ZNF346: variants seen among roughly 807,000 people sequenced by gnomAD.
ZNF346 encodes the protein zinc finger protein 346.
ZNF346 carries 23 observed loss-of-function variants against 33.7 expected under a neutral mutation model. The observed-to-expected ratio is 0.68, with a 90% CI of 0.49 to 0.97. The LOEUF is 0.97. Among genes scored for constraint, ZNF346 ranks in the 50% least tolerant of loss-of-function variants. ZNF346 has a pLI of 0.00. For synonymous variants in ZNF346, 134 were observed against 142.4 expected (o/e 0.94, Z 0.42); for missense variants, 340 against 371.1 (o/e 0.92, Z 0.69).
In ZNF346 at chr5:177,065,597, G is replaced by A. The variant is rs1783084886; in HGVS notation, c.*998G>A. ...CCAGGGAAAGAAAGAGAGAGCTGATGCAGGTTTCTACAGTGAGGAACAGGC... is the reference window on the plus strand; with the variant it reads ...CCAGGGAAAGAAAGAGAGAGCTGATACAGGTTTCTACAGTGAGGAACAGGC... On this transcript the variant is annotated 3_prime_UTR_variant, in exon 7 of 7. Coordinates refer to ENST00000358149, the MANE Select transcript of ZNF346 (RefSeq NM_012279.4). The A allele has an allele frequency of 6.5e-6, 1 of 152,672 alleles. No homozygotes were observed. 9.5% of individuals were successfully genotyped at this position (152,672 alleles called of 1,614,324 possible).
At chr5:177,071,354 A>G (rs536885946), downstream of ZNF346, among the ~76,000 whole-genome samples, 1 of 150,314 alleles carries the variant, frequency 6.7e-6, no homozygotes, top group African/African-American at 2.4e-5. Flanking sequence ...GGGCAACATA[A>G]TGGGAGCCTC....
In ZNF346 at chr5:177,064,786, G is replaced by T; in HGVS notation, c.*187G>T. On this transcript the variant is annotated 3_prime_UTR_variant, in exon 7 of 7. Coordinates refer to ENST00000358149, the MANE Select transcript of ZNF346 (RefSeq NM_012279.4). ...ACTCCTGCTGCTCCCCTTTGGCAGG[G>T]GTCCTGTAGGTCATGACAGGGGAGG... 1 of 594,974 alleles carries T rather than the reference G, an allele frequency of 1.7e-6. No individual in the cohort carries two copies. Among genetic ancestry groups the T allele is most frequent in the Non-Finnish European group, 3.0e-6 (1 of 332,590 alleles). The allele number at this position is 594,974 out of a possible 1,614,324, so 36.9% of individuals were successfully genotyped here. A position where few individuals can be genotyped will look rare whatever the true frequency, so the allele number is the denominator to read the frequency against.
chr5:177,036,344 T>A (rs1778508713), intron 1 of ZNF346, among the ~76,000 whole-genome samples: 1 of 152,242 alleles, frequency 6.6e-6, no homozygotes, highest in Non-Finnish European at 1.5e-5. Flanking sequence ...TTCCCTTTTA[T>A]AATTTCTACT....
chr5:177,059,089 T>G (rs564840673), intron 5 of ZNF346, among the ~76,000 whole-genome samples: 1 of 152,328 alleles, frequency 6.6e-6, no homozygotes, highest in African/African-American at 2.4e-5. Context: ...TCAAGGCCAT[T>G]CATTCATTTA....
intron 5 of ZNF346, among the ~76,000 whole-genome samples, chr5:177,056,027 GA>G (rs1156667328): frequency 6.8e-6 from 1 of 147,364 alleles, no homozygotes; most frequent in Non-Finnish European, 1.5e-5. Context: ...AGTGAGCCAA[GA>G]TCGTGTCACT....
chr5:177,036,691 C>G (rs1778564274), intron 1 of ZNF346, among the ~76,000 whole-genome samples: 1 of 152,220 alleles, frequency 6.6e-6, no homozygotes, highest in Non-Finnish European at 1.5e-5. Flanking sequence ...TTCCTGCTTA[C>G]TGCCTTGGAG....
chr5:177,064,586 C>T lies in ZNF346; in HGVS notation c.872C>T (p.Thr291Ile). 2 of 1,614,040 alleles carry T rather than the reference C, an allele frequency of 1.2e-6. No homozygotes were observed. The highest frequency in any genetic ancestry group is 2.2e-5 in the South Asian group (2 of 91,082). Residue 291 changes from threonine to isoleucine, a missense_variant, in exon 7 of 7, where the codon ACC (threonine) becomes ATC (isoleucine). Transcript: ENST00000358149. Reference sequence around the variant, plus strand: ...CAACCCATTCAGAAAGACTCAACCACCTTGGAAGACTAGAGGTGATTCTGC... The same window carrying T: ...CAACCCATTCAGAAAGACTCAACCATCTTGGAAGACTAGAGGTGATTCTGC... Reference protein sequence around the residue: ...QRQPIQKDSTTLED With the variant: ...QRQPIQKDSTILED
At chr5:177,058,403 G>A (rs1054973440) in intron 5 of ZNF346, among the ~76,000 whole-genome samples, 3 of 151,808 alleles carry the variant, frequency 2.0e-5, no homozygotes, top group East Asian at 4.0e-4. Flanking sequence ...CCTGGGAGGC[G>A]GAGGTTGCAG....
chr5:177,060,026 C>T (rs951067036), intron 5 of ZNF346, among the ~76,000 whole-genome samples: 8 of 152,138 alleles, frequency 5.3e-5, no homozygotes, highest in African/African-American at 1.4e-4. Flanking sequence ...GACGTAGTGA[C>T]GCGGAGGACA....
rs531036586 is a variant in ZNF346, at chr5:177,054,647, G to A, written c.703+3711G>A. Among the ~76,000 whole-genome samples, 20 of 149,740 alleles carry A rather than the reference G, an allele frequency of 1.3e-4. No individual in the cohort carries two copies. The East Asian group carries it at 4.0e-3, about 30-fold the overall frequency. On this transcript the variant is annotated intron_variant, in intron 5 of 6. Coordinates refer to ENST00000358149, the MANE Select transcript of ZNF346 (RefSeq NM_012279.4). ...AACTCCTGACCTTGTGATCCACACA[G>A]CTCAGCCTCCCAAAGTGCTGGGATT...
At chr5:177,028,733 T>A (rs1304055913) in intron 1 of ZNF346, among the ~76,000 whole-genome samples, 21 of 118,652 alleles carry the variant, frequency 1.8e-4, no homozygotes, top group African/African-American at 7.2e-4. Flanking sequence ...TTTTTTTTTT[T>A]TTATGAGATG....
At chr5:177,033,812 C>T (rs1022024995) in intron 1 of ZNF346, among the ~76,000 whole-genome samples, 13 of 152,104 alleles carry the variant, frequency 8.5e-5, no homozygotes, top group Non-Finnish European at 1.3e-4. Flanking sequence ...CGTGAGCCAC[C>T]GCACCTGGCC....
At chr5:177,063,704 G>C (rs1782831588) in intron 6 of ZNF346, among the ~76,000 whole-genome samples, 1 of 152,154 alleles carries the variant, frequency 6.6e-6, no homozygotes, top group South Asian at 2.1e-4. Flanking sequence ...CCCAACATGG[G>C]CAATGTAGTG....
At chr5:177,047,297 C>T (rs962658589) in intron 4 of ZNF346, among the ~76,000 whole-genome samples, 9 of 151,720 alleles carry the variant, frequency 5.9e-5, no homozygotes, top group Admixed American at 5.9e-4. Flanking sequence ...AATGATCTTA[C>T]CGTATGGTAT....
intron 1 of ZNF346, among the ~76,000 whole-genome samples, chr5:177,028,521 T>TATATATATATATATATATATATATC (rs56006820): frequency 7.4e-6 from 1 of 135,922 alleles, no homozygotes. Flanking sequence ...TATATATATA[T>TATATATATATATATATATATATATC]TTCCCTCCAT....
Position 177,049,367 on chromosome 5 carries a change from C to T in ZNF346, c.518-1384C>T, listed in dbSNP as rs573497836. Among the ~76,000 whole-genome samples the T allele has an allele frequency of 4.6e-5, 7 of 152,328 alleles. No individual in the cohort carries two copies. The East Asian group carries it at 1.3e-3, about 29-fold the overall frequency. On this transcript the variant is annotated intron_variant, in intron 4 of 6. Transcript: ENST00000358149. ...AGTCCTGCTGAGCCCCATCAGTCCT[C>T]CACCACTGGTGGGGGCTTCTGGGCC...
chr5:177,061,909 A>G, intron 5 of ZNF346, 149 bp from the exon 6 acceptor site: 1 of 664,382 alleles, frequency 1.5e-6, no homozygotes, highest in South Asian at 1.8e-5. Flanking sequence ...CCTCCTTAGC[A>G]CTGTGGCCTC....
At chr5:177,047,112 G>A (rs960860355) in intron 4 of ZNF346, among the ~76,000 whole-genome samples, 3 of 151,170 alleles carry the variant, frequency 2.0e-5, no homozygotes, top group Non-Finnish European at 2.9e-5. Context: ...GCAGTGGCAC[G>A]ATCTCGGCTC....
chr5:177,067,781 A>G lies in ZNF346; in HGVS notation c.*3182A>G, dbSNP rs1783298942. Among the ~76,000 whole-genome samples, 1 of 152,138 alleles carries G rather than the reference A, an allele frequency of 6.6e-6. No homozygotes were observed. Among genetic ancestry groups the G allele is most frequent in the African/African-American group, 2.4e-5 (1 of 41,422 alleles). On this transcript the variant is annotated 3_prime_UTR_variant, in exon 7 of 7. Transcript: ENST00000358149. ...GGAAAGCTAGCATTTCATCTGCATA[A>G]CAACCTTTGAGCTAAGAGTTAATAT...
Sources: gnomAD v4.1 joint callset for allele counts (sites outside exome capture counted in the v4.1 genomes callset) on GRCh38, gnomAD v4.1.1 for gene constraint, MANE v1.5 for transcripts, NCBI Gene and HGNC (gene_info 2026-07-23, HGNC 2026-07-21) for gene names.